SNAP47: variants seen among roughly 807,000 people sequenced by gnomAD.
SNAP47 encodes the protein synaptosomal-associated protein 47.
Under a neutral mutation model 31.4 loss-of-function variants are expected in SNAP47, and 20 were observed. That is an observed-to-expected ratio of 0.64 (90% CI 0.45 to 0.93). The LOEUF (loss-of-function observed/expected upper bound fraction) is 0.93, where lower values mean the gene tolerates loss of function less well. Among genes scored for constraint, SNAP47 ranks in the 40% least tolerant of loss-of-function variants. The pLI, the probability that SNAP47 is intolerant of heterozygous loss-of-function variation, is 0.00. For missense variants in SNAP47, 492 were observed against 528.5 expected (o/e 0.93, Z 0.68); for synonymous variants, 194 against 213.4 (o/e 0.91, Z 0.79).
intron 3 of SNAP47, among the ~76,000 whole-genome samples, chr1:227,765,538 A>T (rs2102971450): frequency 6.6e-6 from 1 of 152,328 alleles, no homozygotes; most frequent in South Asian, 2.1e-4. Context: ...GAAGCACAGT[A>T]GTGGGCCGCA....
intron 3 of SNAP47, among the ~76,000 whole-genome samples, chr1:227,761,285 G>A (rs76677004): frequency 0.1 from 15,233 of 152,112 alleles, 819 homozygotes; most frequent in Middle Eastern, 0.21. Flanking sequence ...TTCAAGTTTC[G>A]GAAAGAAATA....
intron 1 of SNAP47, among the ~76,000 whole-genome samples, chr1:227,736,915 G>A (rs1232552180): frequency 6.6e-6 from 1 of 152,144 alleles, no homozygotes; most frequent in Admixed American, 6.5e-5. Flanking sequence ...TCCTCCCTAG[G>A]TATGTCTCTT....
upstream of SNAP47, chr1:227,733,585 C>T (rs1558182499): frequency 6.2e-7 from 1 of 1,607,638 alleles, no homozygotes. Context: ...CCCGCAGGGC[C>T]TCTTCCTGCC....
chr1:227,748,512 T>C (rs1226592532), intron 2 of SNAP47, among the ~76,000 whole-genome samples: 3 of 152,358 alleles, frequency 2.0e-5, no homozygotes, highest in African/African-American at 7.2e-5. Context: ...TGCCGTCCAC[T>C]GCACCATGCT....
At chr1:227,733,497 C>CA, upstream of SNAP47, 10 of 1,594,288 alleles carry the variant, frequency 6.3e-6, no homozygotes, top group Non-Finnish European at 8.5e-6. Context: ...GGTGGGCCAG[C>CA]AAGCTGGTTC....
At chr1:227,734,473 C>G, upstream of SNAP47, 1 of 556,200 alleles carries the variant, frequency 1.8e-6, no homozygotes, top group Non-Finnish European at 3.1e-6. Flanking sequence ...ATTGACCTCC[C>G]AAAGAACAAC....
At position 227,736,686 on chromosome 1, in the gene SNAP47, GTT is replaced by G. The variant is rs112159513; in HGVS notation, c.-46+1204_-46+1205del. Among the ~76,000 whole-genome samples, 1,041 of 110,900 alleles carry G rather than the reference GTT, an allele frequency of 9.4e-3. 11 individuals carry two copies. The highest frequency in any genetic ancestry group is 0.057 in the South Asian group (182 of 3,200). 72.8% of individuals were successfully genotyped at this position (110,900 alleles called of 152,430 possible). The stretch of plus-strand genomic sequence containing the variant: ...AGCTTAGTTTTGTTTTTTTGTTTTT[GTT>G]TTTTTTTTTTTTTTTTGTAGAGACA... On this transcript the variant is annotated intron_variant, in intron 1 of 4. Transcript: ENST00000617596.
chr1:227,748,359 T>C, intron 2 of SNAP47, 126 bp downstream of exon 2: 1 of 1,091,708 alleles, frequency 9.2e-7, no homozygotes, highest in Non-Finnish European at 1.3e-6. Context: ...AGATCCTGGC[T>C]GTGCACCTGC....
At position 227,747,965 on chromosome 1, in the gene SNAP47, A is replaced by G; in HGVS notation, c.229A>G (p.Lys77Glu). The stretch of plus-strand genomic sequence containing the variant: ...CACCATCCTGGAGAAGGGCCATGCC[A>G]AGCACTGGTTCAGCTCCCTGCGGCC... ...SITILEKGHA[K>E]HWFSSLRPSR... Residue 77 changes from lysine (K) to glutamate (E), a missense_variant, in exon 2 of 5, where the codon AAG becomes GAG. Transcript: ENST00000617596. The G allele has an allele frequency of 6.2e-7, 1 of 1,614,210 alleles. No individual in the cohort carries two copies. The highest frequency in any genetic ancestry group is 8.5e-7 in the Non-Finnish European group (1 of 1,180,044).
chr1:227,749,403 A>G (rs1479869649), intron 2 of SNAP47, among the ~76,000 whole-genome samples: 2 of 152,026 alleles, frequency 1.3e-5, no homozygotes, highest in Admixed American at 1.3e-4. Flanking sequence ...GGGGGTGCCC[A>G]CTTGGGTGGG....
chr1:227,776,215 G>A (rs879623223), intron 4 of SNAP47: 26 of 1,082,764 alleles, frequency 2.4e-5, no homozygotes, highest in Non-Finnish European at 2.9e-5. Context: ...GCTCTAAGCT[G>A]CAGCTTCTCT....
chr1:227,759,362 G>A lies in SNAP47; in HGVS notation c.865G>A (p.Glu289Lys). 1 of 1,614,250 alleles carries A rather than the reference G, an allele frequency of 6.2e-7. No individual in the cohort carries two copies. Among genetic ancestry groups the A allele is most frequent in the Non-Finnish European group, 8.5e-7 (1 of 1,180,054 alleles). The change falls in exon 3 of 5, where the codon GAG (glutamate) becomes AAG (lysine). Residue 289 changes from glutamate to lysine, a missense_variant. Glu to Lys is a moderately conservative substitution (Grantham distance 56, BLOSUM62 1). Coordinates refer to ENST00000617596, the MANE Select transcript of SNAP47 (RefSeq NM_053052.4). ...TCGTTTGATATCTGCCAAGATGCCA[G>A]AGGTTATCCCCATTTTAGAAGTGCA... Reference protein sequence around the residue: ...AYRLISAKMPEVIPILEVQFS... With the variant: ...AYRLISAKMPKVIPILEVQFS...
At position 227,747,747 on chromosome 1, in the gene SNAP47, A is replaced by C. The variant is rs575875893; in HGVS notation, c.11A>C (p.Asp4Ala). 7.7e-5 allele frequency: 124 copies of C among 1,613,718 alleles called. 1 individual carries two copies. In the South Asian group the frequency reaches 1.3e-3, roughly 17 times the overall value. ...CAGACCCAGGAACAGATGAGCAGGG[A>C]TGTCTGCATCCACACCTGGCCGTGC... MSR[D>A]VCIHTWPCTY... The change falls in exon 2 of 5, where the codon GAT becomes GCT. Residue 4 changes from aspartate to alanine, a missense_variant. Transcript: ENST00000617596.
At chr1:227,754,357 C>T (rs1662564673) in intron 2 of SNAP47, among the ~76,000 whole-genome samples, 1 of 152,194 alleles carries the variant, frequency 6.6e-6, no homozygotes, top group Admixed American at 6.5e-5. Context: ...TTTATAGGCA[C>T]AGGATGGGGG....
At chr1:227,729,647 G>C (rs924891906) in intron 1 of SNAP47, among the ~76,000 whole-genome samples, 2 of 152,186 alleles carry the variant, frequency 1.3e-5, no homozygotes, top group African/African-American at 4.8e-5. Flanking sequence ...GCACAAGCAT[G>C]AGGATGGTCT....
Position 227,764,001 on chromosome 1 carries a change from G to A in SNAP47, c.989-2958G>A, listed in dbSNP as rs889497548. On this transcript the variant is annotated intron_variant, in intron 3 of 4. Coordinates refer to ENST00000617596, the MANE Select transcript of SNAP47 (RefSeq NM_053052.4). ...ACCAAGACATTCTGCAGCCAGCAGT[G>A]TGCCCTGGGCTCTTCCTGGGCTGGC... Among the ~76,000 whole-genome samples the A allele has an allele frequency of 1.3e-3, 205 of 152,310 alleles. 1 individual carries two copies. Among genetic ancestry groups the A allele is most frequent in the African/African-American group, 4.6e-3 (192 of 41,566 alleles).
At chr1:227,734,108 T>C, upstream of SNAP47, 1 of 1,523,558 alleles carries the variant, frequency 6.6e-7, no homozygotes, top group East Asian at 2.3e-5. Flanking sequence ...GTGGGGCAAC[T>C]GAGACCAATC....
At chr1:227,734,893 A>T, upstream of SNAP47, 1 of 1,578,688 alleles carries the variant, frequency 6.3e-7, no homozygotes, top group Non-Finnish European at 8.6e-7. Flanking sequence ...GGAACTCTCC[A>T]GGGGCCACGC....
chr1:227,736,853 T>C (rs759277288), intron 1 of SNAP47, among the ~76,000 whole-genome samples: 54 of 152,072 alleles, frequency 3.6e-4, no homozygotes, highest in Non-Finnish European at 6.9e-4. Context: ...GGAACTTTCA[T>C]ATAGAGTGGG....
Sources: allele counts gnomAD v4.1 joint callset (sites outside exome capture counted in the v4.1 genomes callset), GRCh38; gene constraint gnomAD v4.1.1; transcripts MANE v1.5; gene names NCBI Gene and HGNC (gene_info 2026-07-23, HGNC 2026-07-21).